The following CCDC180 variants were observed in gnomAD, a reference collection of about 807,000 sequenced individuals.
CCDC180 encodes the protein coiled-coil domain containing 180, also known as coiled-coil domain-containing protein 180.
Under a neutral mutation model 209.2 loss-of-function variants are expected in CCDC180, and 154 were observed. The observed-to-expected ratio is 0.74, with a 90% CI of 0.65 to 0.84. CCDC180 has a LOEUF of 0.84. Among genes scored for constraint, CCDC180 ranks in the 40% least tolerant of loss-of-function variants. The probability of loss-of-function intolerance (pLI) is 0.00; values close to 1 mark genes in which losing one functional copy is unlikely to be tolerated. For synonymous variants in CCDC180, 778 were observed against 749.1 expected (o/e 1.04, Z -0.63); for missense variants, 1,874 against 1,997.3 (o/e 0.94, Z 1.18).
intron 36 of CCDC180, chr9:97,375,800 A>G (rs755429109): frequency 9.9e-6 from 6 of 606,582 alleles, no homozygotes; most frequent in Non-Finnish European, 1.7e-5. Context: ...GCGTGATCCC[A>G]ATGCTGTGGG....
At position 97,376,901 on chromosome 9, in the gene CCDC180, G is replaced by A. The variant is rs1246324130; in HGVS notation, c.*7G>A. ...CCAAGGCCTGTATGTGTGACCCTCC[G>A]CCCCACCATGAATAAACACTTTCTT... is the stretch of plus-strand genomic sequence containing the variant. On this transcript the variant is annotated 3_prime_UTR_variant, in exon 37 of 37. Coordinates refer to ENST00000529487, the MANE Select transcript of CCDC180 (RefSeq NM_020893.6). The A allele has an allele frequency of 6.8e-6, 11 of 1,607,622 alleles. No homozygotes were observed. Among genetic ancestry groups the A allele is most frequent in the East Asian group, 2.2e-5 (1 of 44,774 alleles).
In CCDC180 at chr9:97,347,486, G is replaced by C; in HGVS notation, c.2671G>C (p.Ala891Pro). 1 of 1,535,876 alleles carries C rather than the reference G, an allele frequency of 6.5e-7. No individual in the cohort carries two copies. The highest frequency in any genetic ancestry group is 8.7e-7 in the Non-Finnish European group (1 of 1,146,770). Residue 891 changes from alanine to proline, a missense_variant, in exon 20 of 37, where the codon GCA becomes CCA. Coordinates refer to ENST00000529487, the MANE Select transcript of CCDC180 (RefSeq NM_020893.6). ...TGAAAAAGACATCCACAACGTCAGG[G>C]CAGGTACAGATGCTGCCTGGGAATG... ...QIEKDIHNVR[A>P]AELLLHQEQL... is the part of the protein sequence containing the mutation.
intron 19 of CCDC180, among the ~76,000 whole-genome samples, chr9:97,344,371 G>A (rs1235913919): frequency 1.1e-4 from 16 of 152,138 alleles, no homozygotes; most frequent in Admixed American, 1.0e-3. Flanking sequence ...CACCTGAGCA[G>A]CATCTCACCT....
Position 97,362,191 on chromosome 9 carries a change from T to C in CCDC180, c.3657-5T>C, listed in dbSNP as rs1421714451. On this transcript the variant is annotated splice_polypyrimidine_tract_variant and splice_region_variant and intron_variant, in intron 27 of 36. Coordinates refer to ENST00000529487, the MANE Select transcript of CCDC180 (RefSeq NM_020893.6). ...AAGAGCTCACACCCTTTCCTTTGGT[T>C]TCAGACTTCCCAACACAAAATGGCC... is the stretch of plus-strand genomic sequence containing the variant. The C allele has an allele frequency of 6.2e-7, 1 of 1,609,818 alleles. No individual in the cohort carries two copies. Among genetic ancestry groups the C allele is most frequent in the Non-Finnish European group, 8.5e-7 (1 of 1,176,838 alleles).
intron 11 of CCDC180, among the ~76,000 whole-genome samples, chr9:97,321,946 G>A (rs1414792750): frequency 6.6e-6 from 1 of 152,194 alleles, no homozygotes; most frequent in African/African-American, 2.4e-5. Context: ...ATGCAAAGCA[G>A]CTGGACTCTG....
rs1472908439 is a variant in CCDC180, at chr9:97,337,775, T to C, written c.2275-5565T>C. 4.6e-5 allele frequency among the ~76,000 whole-genome samples: 7 copies of C among 152,350 alleles called. No individual in the cohort carries two copies. The East Asian group carries it at 1.3e-3, about 29-fold the overall frequency. ...CTTTGTACCTCTGGTAGAATTCGGC[T>C]GTGAATCCATCTGGTCCTGGACATT... On this transcript the variant is annotated intron_variant, in intron 18 of 36. Transcript: ENST00000529487.
intron 8 of CCDC180, among the ~76,000 whole-genome samples, chr9:97,315,444 T>C (rs1833137207): frequency 1.3e-5 from 2 of 152,182 alleles, no homozygotes; most frequent in African/African-American, 4.8e-5. Context: ...GCCTCTTGGC[T>C]CTGTCCCCAC....
chr9:97,309,513 A>T lies in CCDC180; in HGVS notation c.169A>T (p.Thr57Ser), dbSNP rs367601533. ...GRIPMMKKVE[T>S]PEGEVMSPRQ... ...GATACCCATGATGAAGAAGGTGGAG[A>T]CTCCTGAAGGGGAGGTGATGTCTCC... is the stretch of plus-strand genomic sequence containing the variant. Residue 57 changes from threonine (T) to serine (S), a missense_variant, in exon 3 of 37, where the codon ACT becomes TCT. Physicochemically the swap from Thr to Ser is moderately conservative, Grantham distance 58. Transcript: ENST00000529487. 1 of 1,605,022 alleles carries T rather than the reference A, an allele frequency of 6.2e-7. No individual in the cohort carries two copies. Among genetic ancestry groups the T allele is most frequent in the Non-Finnish European group, 8.5e-7 (1 of 1,176,176 alleles).
chr9:97,362,639 G>A (rs901350113), intron 28 of CCDC180, among the ~76,000 whole-genome samples, 198 bp downstream of exon 28: 5 of 151,160 alleles, frequency 3.3e-5, no homozygotes, highest in South Asian at 2.1e-4. Flanking sequence ...GATCTCAGCC[G>A]TGCCACCTTC....
rs899984742 is a variant in CCDC180, at chr9:97,349,345, C to T, written c.2855+54C>T. 1.8e-5 allele frequency: 26 copies of T among 1,475,368 alleles called. No homozygotes were observed. In the South Asian group the frequency reaches 2.3e-4, roughly 13 times the overall value. 91.4% of individuals were successfully genotyped at this position (1,475,368 alleles called of 1,614,324 possible). A position where few individuals can be genotyped will look rare whatever the true frequency, so the allele number is the denominator to read the frequency against. ...GCCATGTGGCTCTGGAATCCCAGTT[C>T]GGCTGCTGCTTTCAAAGGAGCCCCC... On this transcript the variant is annotated intron_variant, in intron 21 of 36. Transcript: ENST00000529487.
At position 97,366,568 on chromosome 9, in the gene CCDC180, C is replaced by G. The variant is rs145284892; in HGVS notation, c.4057C>G (p.Arg1353Gly). ...TCACCCTCTCTGGCAGGAGTTCTAC[C>G]GTAAAGAAAAACGCCCAGTCACCAG... ...NLLTVAEEFY[R>G]KEKRPVTRPD... Residue 1353 changes from arginine (R) to glycine (G), a missense_variant, in exon 31 of 37, where the codon CGT becomes GGT. Physicochemically the swap from Arg to Gly is moderately radical, Grantham distance 125 (BLOSUM62 -2). Coordinates refer to ENST00000529487, the MANE Select transcript of CCDC180 (RefSeq NM_020893.6). The surrounding 1 kb of genome is among the most constrained non-coding windows in gnomAD (Gnocchi z 4.3). The G allele has an allele frequency of 5.0e-6, 8 of 1,613,914 alleles. No individual in the cohort carries two copies. The highest frequency in any genetic ancestry group is 5.9e-6 in the Non-Finnish European group (7 of 1,179,968).
At chr9:97,308,440 A>G (rs1490215685) in intron 2 of CCDC180, among the ~76,000 whole-genome samples, 1 of 152,216 alleles carries the variant, frequency 6.6e-6, no homozygotes, top group East Asian at 1.9e-4. Context: ...TTTGTATTTA[A>G]AAAATAGGTT....
At chr9:97,334,636 C>G (rs1454278906) in intron 18 of CCDC180, among the ~76,000 whole-genome samples, 1 of 152,110 alleles carries the variant, frequency 6.6e-6, no homozygotes, top group Non-Finnish European at 1.5e-5. Flanking sequence ...TGCATTTTTG[C>G]TAACGTTTCC....
intron 18 of CCDC180, among the ~76,000 whole-genome samples, chr9:97,342,089 C>T (rs1004139256): frequency 1.3e-5 from 2 of 152,212 alleles, no homozygotes; most frequent in Admixed American, 1.3e-4. Flanking sequence ...TCATGGCTTC[C>T]CTTGGCTAGG....
chr9:97,326,371 G>A (rs1833534349), intron 14 of CCDC180, among the ~76,000 whole-genome samples, 183 bp from the exon 15 acceptor site: 1 of 152,186 alleles, frequency 6.6e-6, no homozygotes, highest in Non-Finnish European at 1.5e-5. Flanking sequence ...GAAAAGTCTG[G>A]AGGGCTATAG....
At chr9:97,356,058 A>G (rs897708135) in intron 24 of CCDC180, among the ~76,000 whole-genome samples, 4 of 152,096 alleles carry the variant, frequency 2.6e-5, no homozygotes, top group Non-Finnish European at 5.9e-5. Flanking sequence ...GGAGGTGGGT[A>G]GGAGTGAGGC....
At chr9:97,365,890 G>GTA (rs1336405590) in intron 30 of CCDC180, 151 bp downstream of exon 30, 8 of 659,180 alleles carry the variant, frequency 1.2e-5, no homozygotes, top group Non-Finnish European at 1.3e-5. Context: ...ACCTCCCTAT[G>GTA]AGTTTTTTTC....
At position 97,317,196 on chromosome 9, in the gene CCDC180, T is replaced by G; in HGVS notation, c.927T>G (p.Ala309=). The change falls in exon 9 of 37, where the codon GCT becomes GCG. Residue 309 remains alanine, a synonymous_variant. Coordinates refer to ENST00000529487, the MANE Select transcript of CCDC180 (RefSeq NM_020893.6). ...AAGGCTTGGTGGACACCTGGAAGGCTCTCAAGAAGGAGGCCCTGCTGCAGA... is the reference window on the plus strand; with the variant it reads ...AAGGCTTGGTGGACACCTGGAAGGCGCTCAAGAAGGAGGCCCTGCTGCAGA... ...RWQGLVDTWK[A]LKKEALLQSF... 6.2e-7 allele frequency: 1 copy of G among 1,607,244 alleles called. No individual in the cohort carries two copies. Among genetic ancestry groups the G allele is most frequent in the Non-Finnish European group, 8.5e-7 (1 of 1,174,908 alleles).
chr9:97,329,548 C>T (rs766034784), intron 16 of CCDC180, among the ~76,000 whole-genome samples: 3 of 152,206 alleles, frequency 2.0e-5, no homozygotes, highest in Non-Finnish European at 2.9e-5. Flanking sequence ...TTGCATCCCT[C>T]AGTTTATATT....
Sources: gnomAD v4.1 joint callset for allele counts (sites outside exome capture counted in the v4.1 genomes callset) on GRCh38, gnomAD v4.1.1 for gene constraint, Gnocchi (gnomAD v3.1) non-coding constraint, MANE v1.5 for transcripts, NCBI Gene and HGNC (gene_info 2026-07-23, HGNC 2026-07-21) for gene names.